The following TARBP1 variants were observed in gnomAD, a reference collection of about 807,000 sequenced individuals.
TARBP1 encodes tRNA (guanosine(18)-2'-O)-methyltransferase TARBP1.
In TARBP1, 144 loss-of-function variants were observed where a neutral mutation model predicts 178.6. The ratio of observed to expected loss-of-function variants is 0.81; its 90% CI spans 0.70 to 0.93. TARBP1 has a LOEUF of 0.93. TARBP1 is among the 40% of genes least tolerant of loss of function. TARBP1 has a pLI of 0.00. For synonymous variants in TARBP1, 787 were observed against 781.0 expected (o/e 1.01, Z -0.13); for missense variants, 2,067 against 2,011.7 (o/e 1.03, Z -0.53).
At chr1:234,401,639 G>A (rs577153175) in intron 24 of TARBP1, among the ~76,000 whole-genome samples, 1 of 152,260 alleles carries the variant, frequency 6.6e-6, no homozygotes, top group African/African-American at 2.4e-5. Flanking sequence ...AACATCTGTT[G>A]TCAAGTTTAT....
At chr1:234,450,246 T>C (rs949374110) in intron 10 of TARBP1, among the ~76,000 whole-genome samples, 182 bp downstream of exon 10, 1 of 152,156 alleles carries the variant, frequency 6.6e-6, no homozygotes, top group Non-Finnish European at 1.5e-5. Flanking sequence ...AGATAAAGTA[T>C]TAATACAAGT....
In TARBP1 at chr1:234,478,663, G is replaced by C; in HGVS notation, c.441C>G (p.Val147=). 1 of 1,263,310 alleles carries C rather than the reference G, an allele frequency of 7.9e-7. No homozygotes were observed. The highest frequency in any genetic ancestry group is 9.9e-7 in the Non-Finnish European group (1 of 1,005,100). The allele number at this position is 1,263,310 out of a possible 1,614,324, so 78.3% of individuals were successfully genotyped here. A position where few individuals can be genotyped will look rare whatever the true frequency, so the allele number is the denominator to read the frequency against. ...AEAAVEVLAA[V]GPCLRPREDG... ...CCTCGCGGGGCCGCAAACATGGCCC[G>C]ACGGCTGCTAGCACTTCCACGGCAG... The change falls in exon 1 of 30, where the codon GTC becomes GTG. Residue 147 remains valine, a synonymous_variant. Transcript: ENST00000040877.
chr1:234,429,610 AT>A lies in TARBP1; in HGVS notation c.2676del (p.Gln892HisfsTer9). Reference sequence around the variant, plus strand: ...TTCAACAGGAAAGAGAGGCACACCCATTGATCATGAATATATTGTGCAACTA... The same window carrying A: ...TTCAACAGGAAAGAGAGGCACACCCATGATCATGAATATATTGTGCAACTA... ...GKIVAQYIHD[Q>X]WVCLSFLLKK... On this transcript the variant is annotated frameshift_variant, in exon 16 of 30. Coordinates refer to ENST00000040877, the MANE Select transcript of TARBP1 (RefSeq NM_005646.4). LOFTEE classifies it high-confidence loss of function. The A allele has an allele frequency of 6.2e-7, 1 of 1,614,070 alleles. No homozygotes were observed. Among genetic ancestry groups the A allele is most frequent in the Non-Finnish European group, 8.5e-7 (1 of 1,179,984 alleles).
At chr1:234,423,428 G>C (rs183195777) in intron 20 of TARBP1, among the ~76,000 whole-genome samples, 7 of 151,904 alleles carry the variant, frequency 4.6e-5, no homozygotes, top group Admixed American at 1.3e-4. Flanking sequence ...TCCCCTCCAG[G>C]AACGACCCCT....
chr1:234,392,856 GCCCAC>G, intron 28 of TARBP1: 1 of 176,170 alleles, frequency 5.7e-6, no homozygotes, highest in South Asian at 1.6e-4. Context: ...GACTACAGGC[GCCCAC>G]CACCACGCCC....
At chr1:234,438,103 C>T (rs1260859812) in intron 12 of TARBP1, among the ~76,000 whole-genome samples, 1 of 152,136 alleles carries the variant, frequency 6.6e-6, no homozygotes, top group Non-Finnish European at 1.5e-5. Context: ...AGAAGCAGCA[C>T]CCACAGAAGC....
At chr1:234,392,603 T>C (rs1558132921) in intron 28 of TARBP1, 51 bp from the exon 29 acceptor site, 5 of 1,559,934 alleles carry the variant, frequency 3.2e-6, no homozygotes, top group East Asian at 2.3e-5. Context: ...ATAGCCCTGC[T>C]TGGAGTAAAT....
chr1:234,466,580 A>C (rs142560738), intron 4 of TARBP1, among the ~76,000 whole-genome samples: 46 of 150,498 alleles, frequency 3.1e-4, no homozygotes, highest in African/African-American at 7.3e-4. Flanking sequence ...GAAGAAGAAG[A>C]AGCCAGGCAC....
intron 7 of TARBP1, among the ~76,000 whole-genome samples, chr1:234,459,869 C>T (rs1230140299): frequency 6.6e-6 from 1 of 151,402 alleles, no homozygotes; most frequent in Non-Finnish European, 1.5e-5. Flanking sequence ...TACTGAAATA[C>T]TTTTTCTTTT....
rs1387095071 is a variant in TARBP1 at position 234,439,532 on chromosome 1, A to G, written c.2135-2160T>C. On this transcript the variant is annotated intron_variant, in intron 12 of 29. Transcript: ENST00000040877. ...TGCCCAAAAGAGAGTAAAGAGAGAA[A>G]TGAAAAACAAAGGCCCAGTGTGGTG... 3.3e-5 allele frequency among the ~76,000 whole-genome samples: 5 copies of G among 152,218 alleles called. No individual in the cohort carries two copies. In the East Asian group the frequency reaches 9.6e-4, roughly 29 times the overall value.
chr1:234,393,324 GTTTTAAGAAC>G (rs1366698479), intron 28 of TARBP1, 28 bp downstream of exon 28: 1 of 1,432,444 alleles, frequency 7.0e-7, no homozygotes. Flanking sequence ...GTGCGGGCTT[GTTTTAAGAAC>G]TTTAATAATA....
In TARBP1 at chr1:234,472,710, T is replaced by G; in HGVS notation, c.1029+4A>C. On this transcript the variant is annotated splice_donor_region_variant and intron_variant, in intron 2 of 29. Coordinates refer to ENST00000040877, the MANE Select transcript of TARBP1 (RefSeq NM_005646.4). ...AGGATTTGCTAAAATAGAAAAACAC[T>G]TACCTGATTTCCTTCTAAAGTCTCC... 1 of 1,562,640 alleles carries G rather than the reference T, an allele frequency of 6.4e-7. No homozygotes were observed. Among genetic ancestry groups the G allele is most frequent in the Non-Finnish European group, 8.7e-7 (1 of 1,155,474 alleles).
rs1664153141 is a variant in TARBP1, at chr1:234,429,413, T to C, written c.2871+3A>G. 1 of 1,607,964 alleles carries C rather than the reference T, an allele frequency of 6.2e-7. No individual in the cohort carries two copies. Among genetic ancestry groups the C allele is most frequent in the Non-Finnish European group, 8.5e-7 (1 of 1,177,922 alleles). On this transcript the variant is annotated splice_donor_region_variant and intron_variant, in intron 16 of 29. Coordinates refer to ENST00000040877, the MANE Select transcript of TARBP1 (RefSeq NM_005646.4). ...GTTCAATTCATGTTTCACTCTATCT[T>C]ACCTTGGGAACCAACACTTTCAAGC...
chr1:234,408,376 CTTAGT>C (rs529540655), intron 23 of TARBP1, among the ~76,000 whole-genome samples: 80 of 152,234 alleles, frequency 5.3e-4, no homozygotes, highest in African/African-American at 1.9e-3. Flanking sequence ...TTGGGAGAAA[CTTAGT>C]TTAGTTTATA....
intron 1 of TARBP1, among the ~76,000 whole-genome samples, chr1:234,474,748 T>C (rs747195560): frequency 2.0e-5 from 3 of 152,170 alleles, no homozygotes; most frequent in Non-Finnish European, 4.4e-5. Flanking sequence ...CAATGAAATA[T>C]GAGGACAAAA....
chr1:234,446,075 T>C (rs1175025048), intron 12 of TARBP1, among the ~76,000 whole-genome samples: 1 of 152,164 alleles, frequency 6.6e-6, no homozygotes, highest in East Asian at 1.9e-4. Flanking sequence ...TAAGCATATA[T>C]GAAAATATAA....
At chr1:234,436,958 G>C (rs1382033507) in intron 13 of TARBP1, among the ~76,000 whole-genome samples, 1 of 152,142 alleles carries the variant, frequency 6.6e-6, no homozygotes, top group Non-Finnish European at 1.5e-5. Context: ...TCAGAATCTT[G>C]GGATTGGGCT....
chr1:234,433,983 A>ATAAGACAACTAAGTTTCAGAGAGG (rs1204161103), intron 13 of TARBP1, among the ~76,000 whole-genome samples: 7 of 152,236 alleles, frequency 4.6e-5, no homozygotes, highest in African/African-American at 1.7e-4. Flanking sequence ...TCCCACTTTC[A>ATAAGACAACTAAGTTTCAGAGAGG]TAAGACAACT....
rs1470645065 is a variant in TARBP1 at position 234,429,137 on chromosome 1, T to C, written c.3059A>G (p.Glu1020Gly). 3 of 1,563,362 alleles carry C rather than the reference T, an allele frequency of 1.9e-6. No individual in the cohort carries two copies. Among genetic ancestry groups the C allele is most frequent in the Non-Finnish European group, 2.6e-6 (3 of 1,163,898 alleles). Residue 1020 changes from glutamate to glycine, a missense_variant and splice_region_variant, in exon 17 of 30, where the codon GAG (glutamate) becomes GGG (glycine). By Grantham distance (98) the Glu-to-Gly change is moderately conservative. Coordinates refer to ENST00000040877, the MANE Select transcript of TARBP1 (RefSeq NM_005646.4). The part of the protein sequence containing the change: ...IKGQAYFKIK[E>G]IMYKIIEMSA... ...CAAAAAGAAAAGAAAGTTAGTTACC[T>C]CTTTTATTTTGAAATATGCCTGGCC... is the stretch of plus-strand genomic sequence containing the variant.
Sources: allele counts gnomAD v4.1 joint callset (sites outside exome capture counted in the v4.1 genomes callset), GRCh38; gene constraint gnomAD v4.1.1; transcripts MANE v1.5; gene names NCBI Gene and HGNC (gene_info 2026-07-23, HGNC 2026-07-21).